Variants in ATRNL1 observed in about 807,000 individuals in gnomAD.
ATRNL1 encodes the protein attractin-like protein 1.
In ATRNL1, 95 loss-of-function variants were observed where a neutral mutation model predicts 182.7. The observed-to-expected ratio is 0.52, with a 90% CI of 0.44 to 0.62. The LOEUF (loss-of-function observed/expected upper bound fraction) is 0.62, where lower values mean the gene tolerates loss of function less well. ATRNL1 is among the 20% of genes least tolerant of loss of function. The pLI, the probability that ATRNL1 is intolerant of heterozygous loss-of-function variation, is 0.00. For synonymous variants in ATRNL1, 576 were observed against 568.3 expected, an observed-to-expected ratio of 1.01 and a Z score of -0.19; for missense variants, 1,471 against 1,679.5, an observed-to-expected ratio of 0.88 and a Z score of 2.17.
chr10:115,340,471 C>CTT (rs1197538123), intron 19 of ATRNL1, among the ~76,000 whole-genome samples: 2,067 of 89,406 alleles, frequency 0.023, 118 homozygotes, highest in African/African-American at 0.083. Flanking sequence ...CTTTTCTTTT[C>CTT]TTTTCTTTTT....
intron 19 of ATRNL1, among the ~76,000 whole-genome samples, chr10:115,346,730 G>C (rs966068229): frequency 2.2e-5 from 3 of 139,414 alleles, no homozygotes; most frequent in African/African-American, 7.3e-5. Flanking sequence ...TTTATAATTG[G>C]GCTTTTTTTG....
intron 8 of ATRNL1, among the ~76,000 whole-genome samples, chr10:115,207,533 A>C (rs1244573248): frequency 6.6e-6 from 1 of 151,810 alleles, no homozygotes; most frequent in Non-Finnish European, 1.5e-5. Flanking sequence ...TGTAGGGCAA[A>C]TCTCTGATTT....
chr10:115,250,656 A>G (rs143112094), intron 10 of ATRNL1, among the ~76,000 whole-genome samples: 273 of 152,288 alleles, frequency 1.8e-3, no homozygotes, highest in Non-Finnish European at 3.1e-3. Context: ...TCTTCTTTGT[A>G]ATGGGAGTTG....
chr10:115,650,262 T>C (rs12260891), intron 26 of ATRNL1, among the ~76,000 whole-genome samples: 1,777 of 152,212 alleles, frequency 0.012, 36 homozygotes, highest in African/African-American at 0.04. Context: ...TCAAAGATGT[T>C]GAAATCTCAG....
chr10:115,906,308 G>C (rs1952501300), intron 28 of ATRNL1, among the ~76,000 whole-genome samples: 1 of 152,194 alleles, frequency 6.6e-6, no homozygotes, highest in South Asian at 2.1e-4. Context: ...GGCTTTGAGG[G>C]TGAGAATTTG....
At chr10:115,802,182 A>G (rs1264690975) in intron 27 of ATRNL1, among the ~76,000 whole-genome samples, 7 of 152,052 alleles carry the variant, frequency 4.6e-5, no homozygotes, top group African/African-American at 9.7e-5. Context: ...TGTCTCCCCT[A>G]TGGTGGTAAA....
At chr10:115,473,564 G>A (rs1163829859) in intron 24 of ATRNL1, among the ~76,000 whole-genome samples, 3 of 151,042 alleles carry the variant, frequency 2.0e-5, no homozygotes, top group African/African-American at 7.3e-5. Context: ...GCCTGACTTG[G>A]GTGTCAGGGA....
chr10:115,879,847 C>A (rs113489394), intron 28 of ATRNL1, among the ~76,000 whole-genome samples: 1,823 of 152,116 alleles, frequency 0.012, 43 homozygotes, highest in African/African-American at 0.042. Context: ...ATCAGGGGAG[C>A]CTCGGAGAGG....
intron 26 of ATRNL1, among the ~76,000 whole-genome samples, chr10:115,667,752 G>A (rs1185261368): frequency 6.6e-6 from 1 of 151,856 alleles, no homozygotes; most frequent in East Asian, 1.9e-4. Flanking sequence ...ACTCCCGGGG[G>A]CTCAAGTGAT....
chr10:115,938,055 G>A (rs1953615138), intron 28 of ATRNL1, among the ~76,000 whole-genome samples: 1 of 152,312 alleles, frequency 6.6e-6, no homozygotes, highest in East Asian at 1.9e-4. Context: ...ATTTCAAAGT[G>A]AATGACTTTT....
chr10:115,191,389 T>C (rs1848163952), intron 8 of ATRNL1, among the ~76,000 whole-genome samples: 1 of 152,150 alleles, frequency 6.6e-6, no homozygotes, highest in African/African-American at 2.4e-5. Context: ...TGCCTGTCTT[T>C]TGGATAAAAG....
chr10:115,288,989 C>T (rs1483613096), intron 15 of ATRNL1, among the ~76,000 whole-genome samples: 1 of 152,122 alleles, frequency 6.6e-6, no homozygotes, highest in African/African-American at 2.4e-5. Context: ...TGTTTTCATG[C>T]TGCTGATAAA....
chr10:115,906,016 A>C (rs1555114463), intron 28 of ATRNL1, among the ~76,000 whole-genome samples: 1 of 152,208 alleles, frequency 6.6e-6, no homozygotes, highest in East Asian at 1.9e-4. Flanking sequence ...ATACTATGTA[A>C]CAATAACAAA....
At chr10:115,172,536 C>T (rs1247728640) in intron 8 of ATRNL1, among the ~76,000 whole-genome samples, 1 of 152,112 alleles carries the variant, frequency 6.6e-6, no homozygotes, top group Admixed American at 6.6e-5. Context: ...CTCCTTGAGC[C>T]ACTCTCTCCA....
intron 25 of ATRNL1, among the ~76,000 whole-genome samples, chr10:115,520,701 T>C (rs1451866464): frequency 6.6e-6 from 1 of 152,168 alleles, no homozygotes; most frequent in Non-Finnish European, 1.5e-5. Context: ...TCTCTCCTAA[T>C]TCCTCCATGT....
At chr10:115,438,888 G>A (rs994356678) in intron 21 of ATRNL1, among the ~76,000 whole-genome samples, 17 of 151,700 alleles carry the variant, frequency 1.1e-4, no homozygotes, top group Non-Finnish European at 2.2e-4. Context: ...AACCCCCTGA[G>A]GTATAGAGGC....
intron 3 of ATRNL1, 87 bp from the exon 4 acceptor site, chr10:115,127,506 T>G (rs1327745910): frequency 2.7e-6 from 3 of 1,119,962 alleles, no homozygotes; most frequent in African/African-American, 1.6e-5. Flanking sequence ...TTACTGATCC[T>G]GGTAAGAATA....
intron 5 of ATRNL1, among the ~76,000 whole-genome samples, chr10:115,138,853 C>A (rs1031807273): frequency 3.3e-5 from 5 of 152,172 alleles, no homozygotes; most frequent in Non-Finnish European, 5.9e-5. Flanking sequence ...ATTTTCTTTT[C>A]TATGGCATTG....
chr10:115,408,778 C>T lies in ATRNL1; in HGVS notation c.3269+14026C>T, dbSNP rs143283782. ...AAGAGGTGAGGGGTCTAGTTTAATT[C>T]TAATGCATATGGATATCCAGTTTTC... is the stretch of plus-strand genomic sequence containing the variant. On this transcript the variant is annotated intron_variant, in intron 20 of 28. Coordinates refer to ENST00000355044, the MANE Select transcript of ATRNL1 (RefSeq NM_207303.4). 3.3e-3 allele frequency among the ~76,000 whole-genome samples: 498 copies of T among 152,060 alleles called. 2 individuals carry two copies. Among genetic ancestry groups the T allele is most frequent in the African/African-American group, 0.012 (480 of 41,496 alleles).
Sources: allele counts gnomAD v4.1 joint callset (sites outside exome capture counted in the v4.1 genomes callset), GRCh38; gene constraint gnomAD v4.1.1; transcripts MANE v1.5; gene names NCBI Gene and HGNC (gene_info 2026-07-23, HGNC 2026-07-21).